Variants in TTLL5 observed in about 807,000 individuals in gnomAD.
TTLL5 encodes tubulin polyglutamylase TTLL5.
In TTLL5, 132 loss-of-function variants were observed where a neutral mutation model predicts 168.4. That is an observed-to-expected ratio of 0.78 (90% CI 0.68 to 0.91). TTLL5 has a LOEUF of 0.91. TTLL5 is among the 40% of genes least tolerant of loss of function. TTLL5 has a pLI of 0.00. For synonymous variants in TTLL5, 546 were observed against 558.6 expected, an observed-to-expected ratio of 0.98 and a Z score of 0.32; for missense variants, 1,545 against 1,581.5, an observed-to-expected ratio of 0.98 and a Z score of 0.39.
At chr14:75,807,201 A>C (rs1893708670) in intron 27 of TTLL5, among the ~76,000 whole-genome samples, 1 of 152,192 alleles carries the variant, frequency 6.6e-6, no homozygotes, top group Non-Finnish European at 1.5e-5. Flanking sequence ...TAATCCCAGC[A>C]CTTTGGGAGG....
intron 9 of TTLL5, among the ~76,000 whole-genome samples, chr14:75,713,174 A>C (rs2140186468): frequency 1.3e-5 from 2 of 152,356 alleles, no homozygotes; most frequent in South Asian, 4.1e-4. Context: ...GCAAGGAAGG[A>C]CCACATATAC....
At chr14:75,847,292 C>A (rs1259562458) in intron 28 of TTLL5, among the ~76,000 whole-genome samples, 2 of 151,920 alleles carry the variant, frequency 1.3e-5, no homozygotes, top group Non-Finnish European at 2.9e-5. Flanking sequence ...CGTGAGCCAC[C>A]GCATCTGGCT....
At position 75,685,248 on chromosome 14, in the gene TTLL5, T is replaced by C. The variant is rs890837670; in HGVS notation, c.371+1592T>C. ...AAACAAAAAATTTAGCTGGGCATGGTGGCATGTGCCTAGCAACTTGCGATG... is the reference window on the plus strand; with the variant it reads ...AAACAAAAAATTTAGCTGGGCATGGCGGCATGTGCCTAGCAACTTGCGATG... On this transcript the variant is annotated intron_variant, in intron 5 of 31. Transcript: ENST00000298832. Among the ~76,000 whole-genome samples the C allele has an allele frequency of 1.3e-5, 2 of 151,752 alleles. 1 individual carries two copies. The highest frequency in any genetic ancestry group is 4.8e-5 in the African/African-American group (2 of 41,278).
At chr14:75,949,210 C>T (rs949273248) in intron 31 of TTLL5, among the ~76,000 whole-genome samples, 1 of 151,820 alleles carries the variant, frequency 6.6e-6, no homozygotes, top group South Asian at 2.1e-4. Flanking sequence ...ACAGGTAGAA[C>T]ATGTGATTAC....
At chr14:75,949,078 C>T (rs2034868739) in intron 31 of TTLL5, among the ~76,000 whole-genome samples, 1 of 152,032 alleles carries the variant, frequency 6.6e-6, no homozygotes, top group African/African-American at 2.4e-5. Context: ...AGGGAGGAGG[C>T]AGATCTGTCA....
chr14:75,698,639 A>T (rs956366392), intron 6 of TTLL5, among the ~76,000 whole-genome samples: 1 of 152,186 alleles, frequency 6.6e-6, no homozygotes, highest in Non-Finnish European at 1.5e-5. Flanking sequence ...ATGGTGGCTT[A>T]TACCTGTAAT....
chr14:75,940,554 A>T (rs2034569189), intron 31 of TTLL5, among the ~76,000 whole-genome samples: 1 of 152,234 alleles, frequency 6.6e-6, no homozygotes. Flanking sequence ...ATAGAATTAG[A>T]TCCCAAGAAC....
Position 75,745,167 on chromosome 14 carries a change from G to T in TTLL5, c.1354G>T (p.Gly452Trp). Residue 452 changes from glycine to tryptophan, a missense_variant, in exon 16 of 32, where the codon GGG becomes TGG. Physicochemically the swap from Gly to Trp is radical, Grantham distance 184. Coordinates refer to ENST00000298832, the MANE Select transcript of TTLL5 (RefSeq NM_015072.5). Reference sequence around the variant, plus strand: ...GGGCTCAGCCCGGGAGAAAGGGCCAGGGAAGTTGGGTGGTTCTGTGCTTGG... The same window carrying T: ...GGGCTCAGCCCGGGAGAAAGGGCCATGGAAGTTGGGTGGTTCTGTGCTTGG... ...LVGSAREKGP[G>W]KLGGSVLGLS... 1 of 1,614,026 alleles carries T rather than the reference G, an allele frequency of 6.2e-7. No homozygotes were observed. The highest frequency in any genetic ancestry group is 8.5e-7 in the Non-Finnish European group (1 of 1,179,924).
Position 75,699,170 on chromosome 14 carries a change from T to C in TTLL5, c.503-18T>C. Reference sequence around the variant, plus strand: ...TTCTTTGTTTCCTCTGTTTTTTATCTCCCAATATTTTGAGCAGATTCATAT... The same window carrying C: ...TTCTTTGTTTCCTCTGTTTTTTATCCCCCAATATTTTGAGCAGATTCATAT... On this transcript the variant is annotated intron_variant, in intron 6 of 31. Transcript: ENST00000298832. 1 of 1,602,922 alleles carries C rather than the reference T, an allele frequency of 6.2e-7. No individual in the cohort carries two copies. Among genetic ancestry groups the C allele is most frequent in the Non-Finnish European group, 8.5e-7 (1 of 1,169,996 alleles).
chr14:75,774,727 C>T (rs1034487273), intron 21 of TTLL5, among the ~76,000 whole-genome samples: 1 of 151,882 alleles, frequency 6.6e-6, no homozygotes. Flanking sequence ...CTTGCTTTGT[C>T]GCCTAGGTTG....
chr14:75,914,037 T>A (rs865844144), intron 31 of TTLL5, among the ~76,000 whole-genome samples: 1,362 of 36,130 alleles, frequency 0.038, 15 homozygotes, highest in Non-Finnish European at 0.053. Context: ...AAAAAAAATA[T>A]ATATATATAT....
chr14:75,837,995 A>G (rs1173715165), intron 28 of TTLL5, among the ~76,000 whole-genome samples: 2 of 152,198 alleles, frequency 1.3e-5, no homozygotes, highest in Non-Finnish European at 2.9e-5. Flanking sequence ...TGAGTGTACA[A>G]ATATCTTTTC....
At chr14:75,786,786 T>G (rs1892387778) in intron 26 of TTLL5, among the ~76,000 whole-genome samples, 1 of 152,006 alleles carries the variant, frequency 6.6e-6, no homozygotes, top group Admixed American at 6.6e-5. Flanking sequence ...TGCAGAAACT[T>G]AGGTGTATGC....
chr14:75,933,738 G>T (rs374484526), intron 31 of TTLL5, among the ~76,000 whole-genome samples: 1 of 152,208 alleles, frequency 6.6e-6, no homozygotes, highest in African/African-American at 2.4e-5. Flanking sequence ...CAATACCTCA[G>T]AATATGACTG....
In TTLL5 at chr14:75,766,376, T is replaced by C. The variant is rs772714267; in HGVS notation, c.2015+8T>C. The C allele has an allele frequency of 6.3e-7, 1 of 1,595,698 alleles. No individual in the cohort carries two copies. The highest frequency in any genetic ancestry group is 2.2e-5 in the East Asian group (1 of 44,734). ...AGATAATGGCAATCTTAGGTATGTA[T>C]CTTTTATAATTATATTAGTAAAACT... On this transcript the variant is annotated splice_region_variant and intron_variant, in intron 20 of 31. Coordinates refer to ENST00000298832, the MANE Select transcript of TTLL5 (RefSeq NM_015072.5).
chr14:75,871,803 C>T (rs1282352504), intron 29 of TTLL5, among the ~76,000 whole-genome samples: 3 of 152,170 alleles, frequency 2.0e-5, no homozygotes, highest in African/African-American at 7.2e-5. Context: ...GAATATGTGA[C>T]AGTAAGGTCT....
chr14:75,745,531 A>G lies in TTLL5; in HGVS notation c.1437A>G (p.Arg479=). ...LRRVKEENDR[R]GGFIRIFPTS... Reference sequence around the variant, plus strand: ...GGGTGAAGGAGGAGAATGATCGGCGAGGTGGATTTATTCGCATATTTCCTA... The same window carrying G: ...GGGTGAAGGAGGAGAATGATCGGCGGGGTGGATTTATTCGCATATTTCCTA... The change falls in exon 17 of 32, where the codon CGA becomes CGG. Residue 479 remains arginine, a synonymous_variant. Coordinates refer to ENST00000298832, the MANE Select transcript of TTLL5 (RefSeq NM_015072.5). The G allele has an allele frequency of 6.2e-7, 1 of 1,613,926 alleles. No individual in the cohort carries two copies. The highest frequency in any genetic ancestry group is 1.3e-5 in the African/African-American group (1 of 74,986).
rs1256366610 is a variant in TTLL5, at chr14:75,764,777, C to G, written c.1708+5C>G. The G allele has an allele frequency of 1.2e-6, 2 of 1,613,996 alleles. No homozygotes were observed. Among genetic ancestry groups the G allele is most frequent in the South Asian group, 2.2e-5 (2 of 91,082 alleles). On this transcript the variant is annotated splice_donor_5th_base_variant and intron_variant, in intron 19 of 31. Coordinates refer to ENST00000298832, the MANE Select transcript of TTLL5 (RefSeq NM_015072.5). ...CAATGAGGCCAAAATACCCAGGTAC[C>G]TGCTGGTGAGCTTTCACCAAACTCC...
chr14:75,811,181 G>GTGTA (rs1893993310), intron 27 of TTLL5, among the ~76,000 whole-genome samples: 2 of 121,186 alleles, frequency 1.7e-5, no homozygotes, highest in South Asian at 2.5e-4. Flanking sequence ...GTGTGTGTGT[G>GTGTA]TGTGTGTATG....
Sources: allele counts gnomAD v4.1 joint callset (sites outside exome capture counted in the v4.1 genomes callset), GRCh38; gene constraint gnomAD v4.1.1; transcripts MANE v1.5; gene names NCBI Gene and HGNC (gene_info 2026-07-23, HGNC 2026-07-21).